BDNF: variants seen among roughly 807,000 people sequenced by gnomAD.
BDNF encodes the protein neurotrophic factor BDNF precursor form.
In BDNF, 1 loss-of-function variant was observed where a neutral mutation model predicts 19.5. The ratio of observed to expected loss-of-function variants is 0.05; its 90% CI spans 0.02 to 0.24. BDNF has a LOEUF of 0.24. Among genes scored for constraint, BDNF ranks in the 10% least tolerant of loss-of-function variants. The pLI is 1.00. For missense variants in BDNF, 195 were observed against 317.6 expected (o/e 0.61, Z 2.93); for synonymous variants, 100 against 121.6 (o/e 0.82, Z 1.17).
At chr11:27,674,986 T>C in intron 1 of BDNF, 1 of 808,258 alleles carries the variant, frequency 1.2e-6, no homozygotes, top group Non-Finnish European at 1.5e-6. Context: ...CATTTATAGC[T>C]GAGGAAACTG....
In BDNF at chr11:27,657,720, A is replaced by G; in HGVS notation, c.*101T>C. 1 of 1,548,702 alleles carries G rather than the reference A, an allele frequency of 6.5e-7. No homozygotes were observed. Among genetic ancestry groups the G allele is most frequent in the African/African-American group, 1.4e-5 (1 of 71,938 alleles). On this transcript the variant is annotated 3_prime_UTR_variant, in exon 2 of 2. Transcript: ENST00000356660. This position sits in a 1 kb window ranked among gnomAD's most constrained non-coding sequence, Gnocchi z 5.0. The stretch of plus-strand genomic sequence containing the variant: ...AACTTCATTTATACATGCAGTTCAT[A>G]AAATTATTTTTTTCTTAACTGAATA...
chr11:27,715,313 A>G (rs960465643), intron 1 of BDNF, among the ~76,000 whole-genome samples: 1 of 152,206 alleles, frequency 6.6e-6, no homozygotes, highest in Non-Finnish European at 1.5e-5. Context: ...GCATGAATTC[A>G]TGTATCAGAT....
chr11:27,663,781 G>A (rs1436321717), intron 1 of BDNF, among the ~76,000 whole-genome samples: 2 of 152,162 alleles, frequency 1.3e-5, no homozygotes, highest in Non-Finnish European at 2.9e-5. Flanking sequence ...ACAAAATGTG[G>A]ACACTGCAGC....
chr11:27,668,072 C>G (rs545626137), intron 1 of BDNF, among the ~76,000 whole-genome samples: 64 of 152,330 alleles, frequency 4.2e-4, no homozygotes, highest in Middle Eastern at 3.4e-3. Context: ...AACTGCCTCT[C>G]AGACTACAGT....
intron 1 of BDNF, among the ~76,000 whole-genome samples, chr11:27,697,158 C>CAGAGAG (rs1198756508): frequency 0.11 from 12,812 of 112,668 alleles, 772 homozygotes; most frequent in Non-Finnish European, 0.18. Context: ...CACACACACA[C>CAGAGAG]ACACACAGAG....
chr11:27,713,065 T>G (rs1410845412), intron 1 of BDNF, among the ~76,000 whole-genome samples: 1 of 148,544 alleles, frequency 6.7e-6, no homozygotes, highest in Non-Finnish European at 1.5e-5. Context: ...GAACCACTAA[T>G]TTTTTGTATT....
At chr11:27,702,581 G>T (rs1435845405), upstream of BDNF, among the ~76,000 whole-genome samples, 1 of 152,268 alleles carries the variant, frequency 6.6e-6, no homozygotes, top group East Asian at 1.9e-4. Context: ...TTTGCTAAAG[G>T]GAAAGATTTA....
chr11:27,655,733 G>A lies in BDNF; in HGVS notation c.*2088C>T, dbSNP rs1044231475. On this transcript the variant is annotated 3_prime_UTR_variant, in exon 2 of 2. Coordinates refer to ENST00000356660, the MANE Select transcript of BDNF (RefSeq NM_001709.5). ...TTTTGCTTATCCCTCACCCTACTAA[G>A]ATGCAGCAATTGCTTGGGGCTTTCT... 14 of 152,162 alleles carry A rather than the reference G, an allele frequency of 9.2e-5. No homozygotes were observed. The highest frequency in any genetic ancestry group is 3.4e-4 in the African/African-American group (14 of 41,440). 9.4% of individuals were successfully genotyped at this position (152,162 alleles called of 1,614,324 possible).
rs182322619 is a variant in BDNF, at chr11:27,659,654, C to T, written c.-21-1069G>A. The T allele has an allele frequency of 4.5e-4, 337 of 744,574 alleles. 1 individual carries two copies. Among genetic ancestry groups the T allele is most frequent in the African/African-American group, 3.4e-3 (167 of 48,426 alleles). The allele number at this position is 744,574 out of a possible 1,614,324, so 46.1% of individuals were successfully genotyped here. The stretch of plus-strand genomic sequence containing the variant: ...CTGTGTGTGTGTGTGTGTGTGCGCG[C>T]GCGCGTGTGCGCGCGCTCTGAGTTT... On this transcript the variant is annotated intron_variant, in intron 1 of 1. Transcript: ENST00000356660.
chr11:27,664,639 T>C (rs1854018800), intron 1 of BDNF, among the ~76,000 whole-genome samples: 1 of 152,098 alleles, frequency 6.6e-6, no homozygotes, highest in African/African-American at 2.4e-5. Context: ...TTAAAAAAAT[T>C]AGGTGTGGTG....
At position 27,660,232 on chromosome 11, in the gene BDNF, G is replaced by A. The variant is rs764270718; in HGVS notation, c.-21-1647C>T. On this transcript the variant is annotated intron_variant, in intron 1 of 1. Coordinates refer to ENST00000356660, the MANE Select transcript of BDNF (RefSeq NM_001709.5). ...AAGCAAATGTTCTCCACTTTTGTAAGAAATAACATTTTCAACCACTAAGAG... is the reference window on the plus strand; with the variant it reads ...AAGCAAATGTTCTCCACTTTTGTAAAAAATAACATTTTCAACCACTAAGAG... 21 of 1,242,054 alleles carry A rather than the reference G, an allele frequency of 1.7e-5. No individual in the cohort carries two copies. The South Asian group carries it at 3.0e-4, about 17-fold the overall frequency. 76.9% of individuals were successfully genotyped at this position (1,242,054 alleles called of 1,614,324 possible).
At chr11:27,689,039 A>G (rs1857893873) in intron 1 of BDNF, among the ~76,000 whole-genome samples, 1 of 152,224 alleles carries the variant, frequency 6.6e-6, no homozygotes, top group Non-Finnish European at 1.5e-5. Context: ...AACATTTTTA[A>G]TCTTCCCATT....
At chr11:27,690,984 TAG>T (rs994702816) in intron 1 of BDNF, 1 of 152,108 alleles carries the variant, frequency 6.6e-6, no homozygotes, top group African/African-American at 2.4e-5. Context: ...GCTTCTGCTA[TAG>T]AGTCATTGTT....
At chr11:27,682,257 G>A (rs904870428) in intron 1 of BDNF, among the ~76,000 whole-genome samples, 3 of 151,668 alleles carry the variant, frequency 2.0e-5, no homozygotes, top group Admixed American at 2.0e-4. Flanking sequence ...TAGGCCCAGG[G>A]ACCCAATACC....
rs1266560111 is a variant in BDNF, at chr11:27,659,234, G to A, written c.-21-649C>T. On this transcript the variant is annotated intron_variant, in intron 1 of 1. Coordinates refer to ENST00000356660, the MANE Select transcript of BDNF (RefSeq NM_001709.5). ...TGAGCCATCCTGTTTTACAGGTAAG[G>A]AAACCAAAGGCCATAGAAGACTTGC... 91 of 991,164 alleles carry A rather than the reference G, an allele frequency of 9.2e-5. 1 individual carries two copies. In the South Asian group the frequency reaches 4.0e-3, roughly 43 times the overall value. The allele number at this position is 991,164 out of a possible 1,614,324, so 61.4% of individuals were successfully genotyped here. A position where few individuals can be genotyped will look rare whatever the true frequency, so the allele number is the denominator to read the frequency against.
intron 1 of BDNF, among the ~76,000 whole-genome samples, chr11:27,696,835 A>C (rs1859059589): frequency 6.6e-6 from 1 of 152,206 alleles, no homozygotes; most frequent in Non-Finnish European, 1.5e-5. Context: ...ACTAAAATCA[A>C]ATCCATATTA....
At chr11:27,701,989 C>T (rs1180736605), upstream of BDNF, among the ~76,000 whole-genome samples, 1 of 151,200 alleles carries the variant, frequency 6.6e-6, no homozygotes, top group Non-Finnish European at 1.5e-5. Context: ...CCACTGCCCG[C>T]AGCAAAAGAG....
At chr11:27,688,773 G>A (rs964734361) in intron 1 of BDNF, among the ~76,000 whole-genome samples, 3 of 152,122 alleles carry the variant, frequency 2.0e-5, no homozygotes, top group Non-Finnish European at 4.4e-5. Flanking sequence ...AGATGAGCCC[G>A]GTACCTCAGT....
chr11:27,713,241 G>C (rs756813937), intron 1 of BDNF, among the ~76,000 whole-genome samples: 3 of 152,218 alleles, frequency 2.0e-5, no homozygotes, highest in Non-Finnish European at 4.4e-5. Flanking sequence ...TTATTGGCAA[G>C]TAAGAAGTCC....
Sources: allele counts gnomAD v4.1 joint callset (sites outside exome capture counted in the v4.1 genomes callset), GRCh38; gene constraint gnomAD v4.1.1; non-coding constraint Gnocchi (gnomAD v3.1); transcripts MANE v1.5; gene names NCBI Gene and HGNC (gene_info 2026-07-23, HGNC 2026-07-21).